GAN: variants seen among roughly 807,000 people sequenced by gnomAD.
The protein encoded by GAN is epididymis secretory sperm binding protein.
GAN carries 48 observed loss-of-function variants against 71.3 expected under a neutral mutation model. The ratio of observed to expected loss-of-function variants is 0.67; its 90% confidence interval spans 0.53 to 0.86. The LOEUF (loss-of-function observed/expected upper bound fraction) is 0.86. GAN is among the 40% of genes least tolerant of loss of function. The pLI is 0.00. For missense variants in GAN, 928 were observed against 770.1 expected (o/e 1.21, Z -2.43); for synonymous variants, 386 against 276.8 (o/e 1.39, Z -3.92).
At chr16:81,323,685 C>T (rs1352032157) in intron 1 of GAN, among the ~76,000 whole-genome samples, 4 of 152,170 alleles carry the variant, frequency 2.6e-5, no homozygotes, top group South Asian at 2.1e-4. Context: ...TTAATACATA[C>T]ACAGGAGATA....
At chr16:81,367,864 T>C (rs1407348684) in intron 9 of GAN, among the ~76,000 whole-genome samples, 4 of 152,222 alleles carry the variant, frequency 2.6e-5, no homozygotes, top group African/African-American at 9.6e-5. Context: ...CCTTTTCAAC[T>C]ACCACGCTAG....
Position 81,380,068 on chromosome 16 carries a change from A to G in GAN, c.*2472A>G, listed in dbSNP as rs927044143. On this transcript the variant is annotated 3_prime_UTR_variant, in exon 11 of 11. Transcript: ENST00000648994. ...TTTTACTATATATAAATATTAAAAT[A>G]TTGTGTTGAAGTATAGGGATGTATT... 1.3e-5 allele frequency: 2 copies of G among 152,618 alleles called. No individual in the cohort carries two copies. The highest frequency in any genetic ancestry group is 4.8e-5 in the African/African-American group (2 of 41,444). 9.5% of individuals were successfully genotyped at this position (152,618 alleles called of 1,614,324 possible). A position where few individuals can be genotyped will look rare whatever the true frequency, so the allele number is the denominator to read the frequency against.
intron 9 of GAN, among the ~76,000 whole-genome samples, chr16:81,369,219 A>G (rs904959665): frequency 1.3e-5 from 2 of 152,224 alleles, no homozygotes; most frequent in East Asian, 1.9e-4. Context: ...CAAAATCACC[A>G]TGCTGGTTCT....
At position 81,354,829 on chromosome 16, in the gene GAN, T is replaced by C. The variant is rs760629483; in HGVS notation, c.633+74T>C. ...AATTCAAATTTTAGTTGTTTTATTT[T>C]TCTTCTTCATCATGAAAGACTTACG... is the stretch of plus-strand genomic sequence containing the variant. On this transcript the variant is annotated intron_variant, in intron 3 of 10. Coordinates refer to ENST00000648994, the MANE Select transcript of GAN (RefSeq NM_022041.4). 7.3e-5 allele frequency: 62 copies of C among 850,886 alleles called. 1 individual carries two copies. The highest frequency in any genetic ancestry group is 1.1e-4 in the Non-Finnish European group (55 of 511,454). 52.7% of individuals were successfully genotyped at this position (850,886 alleles called of 1,614,324 possible).
rs1167150398 is a variant in GAN, at chr16:81,360,048, TGG to T, written c.973+2118_973+2119del. Among the ~76,000 whole-genome samples, 255 of 142,238 alleles carry T rather than the reference TGG, an allele frequency of 1.8e-3. 2 individuals carry two copies. The East Asian group carries it at 0.031, about 18-fold the overall frequency. 93.3% of individuals were successfully genotyped at this position (142,238 alleles called of 152,430 possible). On this transcript the variant is annotated intron_variant, in intron 5 of 10. Coordinates refer to ENST00000648994, the MANE Select transcript of GAN (RefSeq NM_022041.4). ...ATGGATGGATGGATGGATGGATGGATGGATGGATGGATGGATGGATAGATGGA... is the reference window on the plus strand; with the variant it reads ...ATGGATGGATGGATGGATGGATGGATATGGATGGATGGATGGATAGATGGA...
intron 7 of GAN, 74 bp from the exon 8 acceptor site, chr16:81,364,900 G>C (rs1910797837): frequency 7.0e-7 from 1 of 1,419,878 alleles, no homozygotes; most frequent in Non-Finnish European, 1.0e-6. Context: ...GTATGGCCCA[G>C]ACAGTTTAAT....
chr16:81,377,743 T>G lies in GAN; in HGVS notation c.*147T>G. 1 of 781,352 alleles carries G rather than the reference T, an allele frequency of 1.3e-6. No homozygotes were observed. Among genetic ancestry groups the G allele is most frequent in the Non-Finnish European group, 2.2e-6 (1 of 450,420 alleles). The allele number at this position is 781,352 out of a possible 1,614,324, so 48.4% of individuals were successfully genotyped here. A position where few individuals can be genotyped will look rare whatever the true frequency, so the allele number is the denominator to read the frequency against. On this transcript the variant is annotated 3_prime_UTR_variant, in exon 11 of 11. Transcript: ENST00000648994. ...GGTGGTTTTATGATGCTTACAAACT[T>G]GAGCTTTAGCTCTTGTTTGGGAGAA...
rs1904310884 is a variant in GAN at position 81,382,569 on chromosome 16, G to A, written c.*4973G>A. 1.3e-5 allele frequency: 2 copies of A among 152,308 alleles called. No individual in the cohort carries two copies. The highest frequency in any genetic ancestry group is 6.8e-3 in the Middle Eastern group (2 of 294). The allele number at this position is 152,308 out of a possible 1,614,324, so 9.4% of individuals were successfully genotyped here. On this transcript the variant is annotated 3_prime_UTR_variant, in exon 11 of 11. Transcript: ENST00000648994. ...AAAATAAACTATGTCTTAGAATGTTGAGGAAAGTATTTTGATAGCTTTTAA... is the reference window on the plus strand; with the variant it reads ...AAAATAAACTATGTCTTAGAATGTTAAGGAAAGTATTTTGATAGCTTTTAA...
intron 1 of GAN, among the ~76,000 whole-genome samples, chr16:81,335,070 G>A (rs542956660): frequency 1.1e-4 from 17 of 149,766 alleles, no homozygotes; most frequent in African/African-American, 3.9e-4. Context: ...TAGACATGGT[G>A]GGTACCTTGG....
At chr16:81,353,066 T>C (rs112756515) in intron 2 of GAN, among the ~76,000 whole-genome samples, 5,509 of 151,680 alleles carry the variant, frequency 0.036, 182 homozygotes, top group African/African-American at 0.083. Context: ...CCGAGGCGGG[T>C]GGATCACGAG....
chr16:81,331,737 A>C (rs8062704), intron 1 of GAN, among the ~76,000 whole-genome samples: 9 of 152,042 alleles, frequency 5.9e-5, no homozygotes, highest in African/African-American at 1.7e-4. Context: ...AGTTGTATAC[A>C]ATATAGAGCA....
chr16:81,317,369 T>A (rs1402910879), intron 1 of GAN, among the ~76,000 whole-genome samples: 2 of 152,256 alleles, frequency 1.3e-5, no homozygotes, highest in African/African-American at 4.8e-5. Flanking sequence ...GCTTTGTGCT[T>A]CCAGCTTTTA....
chr16:81,328,318 A>G (rs1029662810), intron 1 of GAN, among the ~76,000 whole-genome samples: 18 of 152,182 alleles, frequency 1.2e-4, no homozygotes, highest in Non-Finnish European at 4.4e-5. Flanking sequence ...TTTTACTTGA[A>G]TTCATTTCAC....
At chr16:81,376,521 GTA>G (rs1255360825) in intron 9 of GAN, among the ~76,000 whole-genome samples, 2 of 146,626 alleles carry the variant, frequency 1.4e-5, no homozygotes, top group African/African-American at 5.1e-5. Context: ...ATGTGTGTGT[GTA>G]TACATATATG....
Position 81,367,694 on chromosome 16 carries a change from C to T in GAN, c.1502+2216C>T, listed in dbSNP as rs369609680. Among the ~76,000 whole-genome samples, 7 of 152,214 alleles carry T rather than the reference C, an allele frequency of 4.6e-5. 1 individual carries two copies. Among genetic ancestry groups the T allele is most frequent in the African/African-American group, 1.7e-4 (7 of 41,526 alleles). ...TAAACACACATATAACACCAAATGC[C>T]ATGTATTTAATCTTCAAAACAGCAC... On this transcript the variant is annotated intron_variant, in intron 9 of 10. Transcript: ENST00000648994.
intron 1 of GAN, among the ~76,000 whole-genome samples, chr16:81,331,206 A>G (rs951702004): frequency 5.8e-4 from 88 of 152,204 alleles, no homozygotes; most frequent in Non-Finnish European, 2.1e-4. Flanking sequence ...GTCTCAAAAA[A>G]AGAAAAAAGG....
Position 81,365,347 on chromosome 16 carries a change from C to T in GAN, c.1374-3C>T, listed in dbSNP as rs760434877. On this transcript the variant is annotated splice_region_variant and splice_polypyrimidine_tract_variant and intron_variant, in intron 8 of 10. Coordinates refer to ENST00000648994, the MANE Select transcript of GAN (RefSeq NM_022041.4). ...CCTGATAACGCTGTGTGTGGCCTTT[C>T]AGGTTTGGAGCGGTGGCCTGTGGAG... 1 of 1,613,752 alleles carries T rather than the reference C, an allele frequency of 6.2e-7. No homozygotes were observed. Among genetic ancestry groups the T allele is most frequent in the South Asian group, 1.1e-5 (1 of 91,036 alleles).
chr16:81,334,057 CCTTT>C (rs1909673711), intron 1 of GAN, among the ~76,000 whole-genome samples: 2 of 152,214 alleles, frequency 1.3e-5, no homozygotes, highest in African/African-American at 2.4e-5. Flanking sequence ...ATAAATTTCT[CCTTT>C]CTTCAAATCA....
At chr16:81,315,690 C>A (rs1295218247) in intron 1 of GAN, among the ~76,000 whole-genome samples, 3 of 152,200 alleles carry the variant, frequency 2.0e-5, no homozygotes, top group African/African-American at 7.2e-5. Context: ...GTCACCCCCT[C>A]GCCCAGGCCG....
Sources: gnomAD v4.1 joint callset for allele counts (sites outside exome capture counted in the v4.1 genomes callset) on GRCh38, gnomAD v4.1.1 for gene constraint, MANE v1.5 for transcripts, NCBI Gene and HGNC (gene_info 2026-07-23, HGNC 2026-07-21) for gene names.